Variants in PRKCE observed in about 807,000 individuals in gnomAD.
The protein encoded by PRKCE is protein kinase C epsilon type.
Under a neutral mutation model 85.4 loss-of-function variants are expected in PRKCE, and 16 were observed. The ratio of observed to expected loss-of-function variants is 0.19; its 90% CI spans 0.13 to 0.28. PRKCE has a LOEUF of 0.28. PRKCE is among the 10% of genes least tolerant of loss of function. PRKCE has a pLI of 1.00. For missense variants in PRKCE, 573 were observed against 975.2 expected, an observed-to-expected ratio of 0.59 and a Z score of 5.49; for synonymous variants, 388 against 371.5, an observed-to-expected ratio of 1.04 and a Z score of -0.51.
At chr2:45,876,226 A>G (rs1365364192) in intron 2 of PRKCE, among the ~76,000 whole-genome samples, 1 of 152,196 alleles carries the variant, frequency 6.6e-6, no homozygotes, top group East Asian at 1.9e-4. Flanking sequence ...TCGTCAAATC[A>G]CTTCCTAGTG....
chr2:45,898,272 G>A (rs140426176), intron 2 of PRKCE, among the ~76,000 whole-genome samples: 21 of 152,316 alleles, frequency 1.4e-4, no homozygotes, highest in African/African-American at 4.3e-4. Flanking sequence ...CTGAAGGGAG[G>A]AGTAAGAGAG....
chr2:46,126,046 C>T (rs1394051866), intron 11 of PRKCE, among the ~76,000 whole-genome samples: 2 of 152,236 alleles, frequency 1.3e-5, no homozygotes, highest in Non-Finnish European at 2.9e-5. Context: ...CGAGTGGGCT[C>T]AGGCAGTGTT....
At chr2:45,879,982 T>C (rs1426644945) in intron 2 of PRKCE, among the ~76,000 whole-genome samples, 1 of 152,190 alleles carries the variant, frequency 6.6e-6, no homozygotes, top group Non-Finnish European at 1.5e-5. Flanking sequence ...AACCTAGCTG[T>C]GATTTTGTAT....
At chr2:46,182,739 A>G (rs1415106019) in intron 14 of PRKCE, among the ~76,000 whole-genome samples, 4 of 152,152 alleles carry the variant, frequency 2.6e-5, no homozygotes, top group Admixed American at 2.0e-4. Flanking sequence ...TCCCCCGCGC[A>G]GCTCACCCGG....
intron 1 of PRKCE, among the ~76,000 whole-genome samples, chr2:45,800,108 A>G (rs59787069): frequency 0.049 from 7,418 of 152,260 alleles, 620 homozygotes; most frequent in African/African-American, 0.17. Context: ...AGATGAAAAT[A>G]TAGTTGCAGG....
chr2:45,930,182 G>A lies in PRKCE; in HGVS notation c.413-46247G>A, dbSNP rs76822193. On this transcript the variant is annotated intron_variant, in intron 2 of 14. Coordinates refer to ENST00000306156, the MANE Select transcript of PRKCE (RefSeq NM_005400.3). Reference sequence around the variant, plus strand: ...TGCGACACCCCACAAATGAGGACATGAGAATTCTAAAGATAGCAGAAGAAG... The same window carrying A: ...TGCGACACCCCACAAATGAGGACATAAGAATTCTAAAGATAGCAGAAGAAG... 6.7e-3 allele frequency among the ~76,000 whole-genome samples: 1,023 copies of A among 152,322 alleles called. 14 individuals carry two copies. The highest frequency in any genetic ancestry group is 0.023 in the African/African-American group (964 of 41,560).
At chr2:45,733,201 T>G (rs1038716582) in intron 1 of PRKCE, among the ~76,000 whole-genome samples, 1 of 152,256 alleles carries the variant, frequency 6.6e-6, no homozygotes, top group Non-Finnish European at 1.5e-5. Flanking sequence ...GTGAGCTTGA[T>G]GCAGGCAGAG....
At chr2:45,677,258 T>C (rs1231917801) in intron 1 of PRKCE, 1 of 152,100 alleles carries the variant, frequency 6.6e-6, no homozygotes, top group African/African-American at 2.4e-5. Flanking sequence ...GAGGCCACTT[T>C]AGGTGGATAG....
intron 2 of PRKCE, among the ~76,000 whole-genome samples, chr2:45,957,917 A>ATTTT (rs11403708): frequency 3.7e-5 from 5 of 135,298 alleles, no homozygotes; most frequent in African/African-American, 1.4e-4. Flanking sequence ...CTGTGTCTCT[A>ATTTT]TTTTTTTTTT....
At chr2:45,803,720 C>T (rs1016561883) in intron 1 of PRKCE, among the ~76,000 whole-genome samples, 5 of 152,166 alleles carry the variant, frequency 3.3e-5, no homozygotes, top group African/African-American at 7.2e-5. Flanking sequence ...GTGGGTTATG[C>T]TCAATTTAGG....
intron 10 of PRKCE, among the ~76,000 whole-genome samples, chr2:46,027,232 G>GTCCCA (rs1707182681): frequency 6.6e-6 from 1 of 152,176 alleles, no homozygotes. Flanking sequence ...CTATTCGGGA[G>GTCCCA]GCTGAGGTAG....
intron 10 of PRKCE, among the ~76,000 whole-genome samples, chr2:46,027,275 C>T (rs1707185599): frequency 1.3e-5 from 2 of 152,224 alleles, no homozygotes; most frequent in South Asian, 4.2e-4. Flanking sequence ...GTTGAGGCTG[C>T]AGTGAAGCAT....
chr2:45,754,935 G>A (rs1217104688), intron 1 of PRKCE, among the ~76,000 whole-genome samples: 2 of 152,246 alleles, frequency 1.3e-5, no homozygotes, highest in African/African-American at 4.8e-5. Flanking sequence ...AGACCTGATT[G>A]TCAGGGGCTT....
At chr2:45,785,109 T>A (rs1186433240) in intron 1 of PRKCE, among the ~76,000 whole-genome samples, 1 of 152,258 alleles carries the variant, frequency 6.6e-6, no homozygotes, top group Non-Finnish European at 1.5e-5. Context: ...TATTATTTCA[T>A]TTTCATTGCA....
chr2:46,145,321 TG>T lies in PRKCE; in HGVS notation c.1731+95del. 6.6e-7 allele frequency: 1 copy of T among 1,507,222 alleles called. No homozygotes were observed. Among genetic ancestry groups the T allele is most frequent in the South Asian group, 1.2e-5 (1 of 85,290 alleles). 93.4% of individuals were successfully genotyped at this position (1,507,222 alleles called of 1,614,324 possible). A position where few individuals can be genotyped will look rare whatever the true frequency, so the allele number is the denominator to read the frequency against. ...ATGCACTGGGGTCATCTAGTGGTGC[TG>T]GGGGAAGGCTCTGGAAATCCAGGAT... is the stretch of plus-strand genomic sequence containing the variant. On this transcript the variant is annotated intron_variant, in intron 12 of 14. Transcript: ENST00000306156. The surrounding 1 kb of genome is among the most constrained non-coding windows in gnomAD (Gnocchi z 4.6).
chr2:45,670,915 C>T (rs912535704), intron 1 of PRKCE, among the ~76,000 whole-genome samples: 6 of 152,186 alleles, frequency 3.9e-5, no homozygotes, highest in Non-Finnish European at 7.3e-5. Context: ...CCTGAAAGCC[C>T]CCATCTCTTG....
chr2:45,794,021 G>A (rs79329483), intron 1 of PRKCE, among the ~76,000 whole-genome samples: 4,509 of 152,210 alleles, frequency 0.03, 235 homozygotes, highest in African/African-American at 0.1. Flanking sequence ...AGTATGATTC[G>A]GATTAGCCCT....
chr2:45,743,992 G>GTTTTTTTTTTTTT (rs753249039), intron 1 of PRKCE, among the ~76,000 whole-genome samples: 1 of 70,268 alleles, frequency 1.4e-5, no homozygotes, highest in Admixed American at 1.9e-4. Flanking sequence ...TGGCCGTTGT[G>GTTTTTTTTTTTTT]TGTTTTTTTT....
rs1460177517 is a variant in PRKCE, at chr2:46,134,829, T to G, written c.1593-10264T>G. On this transcript the variant is annotated intron_variant, in intron 11 of 14. Coordinates refer to ENST00000306156, the MANE Select transcript of PRKCE (RefSeq NM_005400.3). ...AACTAGGTGTAAGTGTCACGACGGATCGTCAGGCTAGCTCACCCACATGCT... is the reference window on the plus strand; with the variant it reads ...AACTAGGTGTAAGTGTCACGACGGAGCGTCAGGCTAGCTCACCCACATGCT... 3.3e-5 allele frequency among the ~76,000 whole-genome samples: 5 copies of G among 152,212 alleles called. No individual in the cohort carries two copies. In the East Asian group the frequency reaches 9.6e-4, roughly 29 times the overall value.
Sources: gnomAD v4.1 joint callset for allele counts (sites outside exome capture counted in the v4.1 genomes callset) on GRCh38, gnomAD v4.1.1 for gene constraint, Gnocchi (gnomAD v3.1) non-coding constraint, MANE v1.5 for transcripts, NCBI Gene and HGNC (gene_info 2026-07-23, HGNC 2026-07-21) for gene names.